Variants in UBE2L3 observed in about 807,000 individuals in gnomAD.
The protein encoded by UBE2L3 is ubiquitin-conjugating enzyme E2 L3.
Under a neutral mutation model 17.8 loss-of-function variants are expected in UBE2L3, and 1 was observed. The observed-to-expected ratio is 0.06, with a 90% CI of 0.02 to 0.27. UBE2L3 has a LOEUF of 0.27. UBE2L3 is among the 10% of genes least tolerant of loss of function. The probability of loss-of-function intolerance (pLI) is 1.00; values close to 1 mark genes in which losing one functional copy is unlikely to be tolerated. For missense variants in UBE2L3, 40 were observed against 192.6 expected, an observed-to-expected ratio of 0.21 and a Z score of 4.69; for synonymous variants, 44 against 68.5, an observed-to-expected ratio of 0.64 and a Z score of 1.76.
At chr22:21,558,259 G>A (rs1926308026) in intron 1 of UBE2L3, among the ~76,000 whole-genome samples, 1 of 152,010 alleles carries the variant, frequency 6.6e-6, no homozygotes, top group Admixed American at 6.6e-5. Context: ...GCCTGCAGGA[G>A]GGTTTAAGCT....
At chr22:21,570,303 T>C (rs1926888578) in intron 1 of UBE2L3, among the ~76,000 whole-genome samples, 1 of 94,204 alleles carries the variant, frequency 1.1e-5, no homozygotes, top group Non-Finnish European at 2.3e-5. Context: ...TTAAAATTAT[T>C]ACTCTGTTTC....
chr22:21,576,305 G>GT lies in UBE2L3; in HGVS notation c.27+8544dup, dbSNP rs113483961. On this transcript the variant is annotated intron_variant, in intron 1 of 3. Transcript: ENST00000342192. ...AATTTTTGCATTTTTGTTTTTTTTT[G>GT]TTTTTTTTTTGAGATGGAATCTTGC... Among the ~76,000 whole-genome samples, 704 of 141,650 alleles carry GT rather than the reference G, an allele frequency of 5.0e-3. 1 individual carries two copies. Among genetic ancestry groups the GT allele is most frequent in the Middle Eastern group, 7.1e-3 (2 of 282 alleles). 92.9% of individuals were successfully genotyped at this position (141,650 alleles called of 152,430 possible). A position where few individuals can be genotyped will look rare whatever the true frequency, so the allele number is the denominator to read the frequency against.
chr22:21,558,362 G>A (rs558554971), intron 1 of UBE2L3, among the ~76,000 whole-genome samples: 74 of 152,366 alleles, frequency 4.9e-4, no homozygotes, highest in African/African-American at 1.7e-3. Context: ...GCCGGGCGCA[G>A]TGGCTTACGC....
At chr22:21,594,412 C>T (rs1274166248) in intron 2 of UBE2L3, among the ~76,000 whole-genome samples, 1 of 151,892 alleles carries the variant, frequency 6.6e-6, no homozygotes, top group Non-Finnish European at 1.5e-5. Flanking sequence ...GAGCATGCTT[C>T]CTCCTGTAGA....
chr22:21,618,275 T>A (rs1313549023), intron 3 of UBE2L3, among the ~76,000 whole-genome samples: 1 of 151,730 alleles, frequency 6.6e-6, no homozygotes, highest in African/African-American at 2.4e-5. Context: ...GGTCTTTAAA[T>A]TTTTATTTTG....
chr22:21,608,418 A>G (rs1601435194), intron 2 of UBE2L3, among the ~76,000 whole-genome samples: 1 of 151,872 alleles, frequency 6.6e-6, no homozygotes, highest in East Asian at 1.9e-4. Context: ...CCAGGCCAAT[A>G]TATTTATTTT....
intron 1 of UBE2L3, among the ~76,000 whole-genome samples, chr22:21,579,594 G>A (rs181692578): frequency 2.8e-4 from 42 of 152,182 alleles, no homozygotes; most frequent in Admixed American, 2.8e-3. Context: ...AACATAGTGA[G>A]ACCCTGTCTC....
chr22:21,599,030 CAG>C (rs1019005236), intron 2 of UBE2L3, among the ~76,000 whole-genome samples: 10 of 151,616 alleles, frequency 6.6e-5, no homozygotes, highest in Non-Finnish European at 8.8e-5. Flanking sequence ...TTAGTAGACA[CAG>C]GGTTTCGCCA....
chr22:21,562,441 C>T (rs933570936), intron 1 of UBE2L3, among the ~76,000 whole-genome samples: 16 of 148,112 alleles, frequency 1.1e-4, no homozygotes, highest in Non-Finnish European at 2.2e-4. Flanking sequence ...GCACAATCTC[C>T]GCTCACTGCA....
rs189485940 is a variant in UBE2L3 at position 21,582,804 on chromosome 22, G to A, written c.28-10057G>A. Among the ~76,000 whole-genome samples, 1,492 of 152,250 alleles carry A rather than the reference G, an allele frequency of 9.8e-3. 14 individuals carry two copies. The highest frequency in any genetic ancestry group is 0.015 in the Non-Finnish European group (1,048 of 68,006). ...CTCCCAAAGTGCTGGGATTACAGGCGTGAGCCACCGTGCCCGGCCCTCAAT... is the reference window on the plus strand; with the variant it reads ...CTCCCAAAGTGCTGGGATTACAGGCATGAGCCACCGTGCCCGGCCCTCAAT... On this transcript the variant is annotated intron_variant, in intron 1 of 3. Coordinates refer to ENST00000342192, the MANE Select transcript of UBE2L3 (RefSeq NM_003347.4).
intron 2 of UBE2L3, among the ~76,000 whole-genome samples, chr22:21,609,857 G>A (rs1929384117): frequency 6.6e-6 from 1 of 151,936 alleles, no homozygotes. Flanking sequence ...GAAACCGCAT[G>A]TCTACTAAAG....
At chr22:21,584,732 G>A (rs754259805) in intron 1 of UBE2L3, among the ~76,000 whole-genome samples, 20 of 151,014 alleles carry the variant, frequency 1.3e-4, no homozygotes, top group Non-Finnish European at 2.5e-4. Context: ...AGGCCGAGGC[G>A]GGTGGATCCC....
intron 1 of UBE2L3, among the ~76,000 whole-genome samples, chr22:21,558,499 C>T (rs1182378212): frequency 6.6e-6 from 1 of 152,110 alleles, no homozygotes; most frequent in Non-Finnish European, 1.5e-5. Flanking sequence ...GGTGTGGTGG[C>T]GGGCGCCTGT....
intron 1 of UBE2L3, among the ~76,000 whole-genome samples, chr22:21,559,366 A>C (rs1466707275): frequency 6.7e-6 from 1 of 148,294 alleles, no homozygotes; most frequent in Middle Eastern, 3.2e-3. Context: ...TAAATAAATA[A>C]ATAAACAAAC....
Position 21,592,528 on chromosome 22 carries a change from A to G in UBE2L3, c.28-333A>G, listed in dbSNP as rs1432250450. On this transcript the variant is annotated intron_variant, in intron 1 of 3. Transcript: ENST00000342192. ...CTCCTGCCACATGTCTGCCCTATGC[A>G]GGGTGCTGAGGGATTTAAACAGCCA... Among the ~76,000 whole-genome samples, 10 of 152,316 alleles carry G rather than the reference A, an allele frequency of 6.6e-5. No individual in the cohort carries two copies. In the East Asian group the frequency reaches 1.9e-3, roughly 29 times the overall value.
intron 3 of UBE2L3, among the ~76,000 whole-genome samples, chr22:21,617,257 GGTTTTTT>G (rs778647392): frequency 3.9e-4 from 59 of 151,940 alleles, no homozygotes; most frequent in African/African-American, 6.8e-4. Context: ...TTGTTGTGTG[GGTTTTTT>G]GTTTTTTGTT....
intron 3 of UBE2L3, among the ~76,000 whole-genome samples, chr22:21,612,170 T>C (rs997381520): frequency 2.6e-5 from 4 of 152,098 alleles, no homozygotes; most frequent in African/African-American, 9.7e-5. Flanking sequence ...CCATGAAAGG[T>C]GCCCATTAGA....
At chr22:21,619,253 TAAATA>T (rs1415798477) in intron 3 of UBE2L3, among the ~76,000 whole-genome samples, 2 of 152,156 alleles carry the variant, frequency 1.3e-5, no homozygotes, top group Non-Finnish European at 2.9e-5. Context: ...AAATGTTTAT[TAAATA>T]AAAATATACC....
intron 1 of UBE2L3, among the ~76,000 whole-genome samples, chr22:21,587,856 G>A (rs1345034582): frequency 6.6e-6 from 1 of 152,198 alleles, no homozygotes; most frequent in Non-Finnish European, 1.5e-5. Context: ...GGGCATGGGT[G>A]TTTTCCATTT....
Sources: allele counts gnomAD v4.1 joint callset (sites outside exome capture counted in the v4.1 genomes callset), GRCh38; gene constraint gnomAD v4.1.1; transcripts MANE v1.5; gene names NCBI Gene and HGNC (gene_info 2026-07-23, HGNC 2026-07-21).